HSPG2: variants seen among roughly 807,000 people sequenced by gnomAD.
HSPG2 encodes basement membrane-specific heparan sulfate proteoglycan core protein.
In HSPG2, 278 loss-of-function variants were observed where a neutral mutation model predicts 526.6. That is an observed-to-expected ratio of 0.53 (90% confidence interval 0.48 to 0.58). The LOEUF is 0.58. Among genes scored for constraint, HSPG2 ranks in the 20% least tolerant of loss-of-function variants. The probability of loss-of-function intolerance (pLI) is 0.00; values close to 1 mark genes in which losing one functional copy is unlikely to be tolerated. For missense variants in HSPG2, 5,354 were observed against 6,099.5 expected (o/e 0.88, Z 4.07); for synonymous variants, 2,465 against 2,555.4 (o/e 0.96, Z 1.07).
chr1:21,891,738 G>A (rs556801699), intron 3 of HSPG2, among the ~76,000 whole-genome samples: 132 of 152,234 alleles, frequency 8.7e-4, no homozygotes, highest in Non-Finnish European at 1.7e-3. Flanking sequence ...AGCCTCCTGA[G>A]TAGCTGGGAT....
chr1:21,881,468 C>G lies in HSPG2; in HGVS notation c.1689G>C (p.Thr563=), dbSNP rs144988621. 1 of 1,612,904 alleles carries G rather than the reference C, an allele frequency of 6.2e-7. No individual in the cohort carries two copies. Among genetic ancestry groups the G allele is most frequent in the African/African-American group, 1.3e-5 (1 of 75,008 alleles). ...GCAGCTGCGTGGAGGAGAGGGGTGGCGTGCCGGGCTGCGCAGGCATTGTCA... is the reference window on the plus strand; with the variant it reads ...GCAGCTGCGTGGAGGAGAGGGGTGGGGTGCCGGGCTGCGCAGGCATTGTCA... ...VNVTMPAQPG[T]PPLSSTQLQI... The change falls in exon 14 of 97, where the codon ACG becomes ACC. Residue 563 remains threonine (T), a synonymous_variant. Transcript: ENST00000374695.
At chr1:21,873,513 G>T in intron 29 of HSPG2, 89 bp from the exon 30 acceptor site, 1 of 1,232,024 alleles carries the variant, frequency 8.1e-7, no homozygotes, top group Non-Finnish European at 1.2e-6. Context: ...GAATTCAATG[G>T]CCTCATGCAC....
intron 37 of HSPG2, among the ~76,000 whole-genome samples, chr1:21,862,725 C>G (rs1469219885): frequency 2.0e-5 from 3 of 151,860 alleles, no homozygotes; most frequent in Non-Finnish European, 4.4e-5. Context: ...TCCCTAAGTA[C>G]CTGTGATAGC....
intron 1 of HSPG2, among the ~76,000 whole-genome samples, chr1:21,916,728 CTTTA>C (rs1301627076): frequency 4.6e-5 from 7 of 151,382 alleles, no homozygotes; most frequent in Non-Finnish European, 1.0e-4. Context: ...TTATTTAAAA[CTTTA>C]TTTAATTTTA....
At chr1:21,856,965 G>T in intron 44 of HSPG2, 50 bp downstream of exon 44, 1 of 1,561,538 alleles carries the variant, frequency 6.4e-7, no homozygotes, top group Non-Finnish European at 8.8e-7. Flanking sequence ...ATTCTGGTGG[G>T]AATGGGGGAG....
At position 21,848,957 on chromosome 1, in the gene HSPG2, G is replaced by A; in HGVS notation, c.7521C>T (p.Gly2507=). Residue 2507 remains glycine (G), a synonymous_variant, in exon 58 of 97, where the codon GGC becomes GGT. Transcript: ENST00000374695. The surrounding 1 kb of genome is among the most constrained non-coding windows in gnomAD (Gnocchi z 4.9). ...DSGEYVCRVV[G]SSGTQEASVL... ...CTGAGGCTTCCTGGGTACCTGAGCT[G>A]CCGACCACACGGCACACGTACTCCC... is the stretch of plus-strand genomic sequence containing the variant. The A allele has an allele frequency of 1.2e-6, 2 of 1,613,928 alleles. No individual in the cohort carries two copies. Among genetic ancestry groups the A allele is most frequent in the Non-Finnish European group, 1.7e-6 (2 of 1,180,004 alleles).
In HSPG2 at chr1:21,830,335, A is replaced by G. The variant is rs72866967; in HGVS notation, c.11672-244T>C. ...TGTCTGCAGGTTCTTCAGAGACTGGACAGTGTTGGAGGGGGAGCACCTGGT... is the reference window on the plus strand; with the variant it reads ...TGTCTGCAGGTTCTTCAGAGACTGGGCAGTGTTGGAGGGGGAGCACCTGGT... On this transcript the variant is annotated intron_variant, in intron 85 of 96. Coordinates refer to ENST00000374695, the MANE Select transcript of HSPG2 (RefSeq NM_005529.7). The G allele has an allele frequency of 4.2e-3, 2,327 of 558,190 alleles. 48 individuals are homozygous for G. Among genetic ancestry groups the G allele is most frequent in the African/African-American group, 0.038 (1,988 of 52,894 alleles). 34.6% of individuals were successfully genotyped at this position (558,190 alleles called of 1,614,324 possible). A position where few individuals can be genotyped will look rare whatever the true frequency, so the allele number is the denominator to read the frequency against.
intron 21 of HSPG2, among the ~76,000 whole-genome samples, chr1:21,877,059 CAAAAAAAA>C (rs3077630): frequency 1.9e-5 from 2 of 103,152 alleles, no homozygotes; most frequent in African/African-American, 3.9e-5. Context: ...GACTCCATCT[CAAAAAAAA>C]AAAAAAAAAG....
intron 1 of HSPG2, among the ~76,000 whole-genome samples, chr1:21,896,805 C>A (rs1051969050): frequency 1.3e-5 from 2 of 152,198 alleles, no homozygotes; most frequent in Non-Finnish European, 1.5e-5. Context: ...CCTCCCCAGG[C>A]CATTTGGCTC....
intron 1 of HSPG2, among the ~76,000 whole-genome samples, chr1:21,916,691 CAAA>C (rs11401856): frequency 1.5e-5 from 2 of 135,128 alleles, no homozygotes; most frequent in Non-Finnish European, 1.6e-5. Context: ...GACTCCATCT[CAAA>C]AAAAAAAAAA....
At position 21,824,082 on chromosome 1, in the gene HSPG2, C is replaced by G. The variant is rs370529233; in HGVS notation, c.12899+39G>C. The G allele has an allele frequency of 1.3e-6, 2 of 1,573,590 alleles. No homozygotes were observed. The highest frequency in any genetic ancestry group is 1.7e-5 in the Admixed American group (1 of 57,682). ...GGGGGCGTCCTGCCCCACTCCAGAACGCTGGGCCCCATCCCGAGTGCCCGG... is the reference window on the plus strand; with the variant it reads ...GGGGGCGTCCTGCCCCACTCCAGAAGGCTGGGCCCCATCCCGAGTGCCCGG... On this transcript the variant is annotated intron_variant, in intron 95 of 96. Transcript: ENST00000374695. The surrounding 1 kb of genome is among the most constrained non-coding windows in gnomAD (Gnocchi z 5.9).
At position 21,887,120 on chromosome 1, in the gene HSPG2, G is replaced by A. The variant is rs1302077855; in HGVS notation, c.1078+95C>T. 2.1e-6 allele frequency: 3 copies of A among 1,428,120 alleles called. No individual in the cohort carries two copies. Among genetic ancestry groups the A allele is most frequent in the Non-Finnish European group, 2.9e-6 (3 of 1,031,832 alleles). The allele number at this position is 1,428,120 out of a possible 1,614,324, so 88.5% of individuals were successfully genotyped here. On this transcript the variant is annotated intron_variant, in intron 9 of 96. Coordinates refer to ENST00000374695, the MANE Select transcript of HSPG2 (RefSeq NM_005529.7). The surrounding 1 kb of genome is among the most constrained non-coding windows in gnomAD (Gnocchi z 5.0). ...GGACTGGGGAGGGGGGAAAGCGGAG[G>A]GGCAGGGTAGGGGCGGGGCAGGAGT...
rs760478388 is a variant in HSPG2 at position 21,847,642 on chromosome 1, C to A, written c.8025+47G>T. On this transcript the variant is annotated intron_variant, in intron 61 of 96. Transcript: ENST00000374695. The surrounding 1 kb of genome is among the most constrained non-coding windows in gnomAD (Gnocchi z 4.1). Reference sequence around the variant, plus strand: ...AGACAGGGAGCCTGCTCTGCTCACCCCAGGAGACCATGGTTCCACCCCCGC... The same window carrying A: ...AGACAGGGAGCCTGCTCTGCTCACCACAGGAGACCATGGTTCCACCCCCGC... 2 of 1,601,628 alleles carry A rather than the reference C, an allele frequency of 1.2e-6. No individual in the cohort carries two copies. Among genetic ancestry groups the A allele is most frequent in the Admixed American group, 3.5e-5 (2 of 57,544 alleles).
intron 13 of HSPG2, among the ~76,000 whole-genome samples, chr1:21,882,402 C>T (rs1343333441): frequency 1.1e-4 from 2 of 17,642 alleles, no homozygotes; most frequent in East Asian, 9.0e-4. Flanking sequence ...CTTCTATGTA[C>T]ACACACACAC....
chr1:21,830,782 G>A (rs569050471), intron 85 of HSPG2, 200 bp downstream of exon 85: 38 of 598,484 alleles, frequency 6.3e-5, no homozygotes, highest in African/African-American at 3.5e-4. Flanking sequence ...AGGGCTGGAG[G>A]AGGGGAAGCA....
In HSPG2 at chr1:21,893,312, A is replaced by G. The variant is rs1406405962; in HGVS notation, c.244+2610T>C. Among the ~76,000 whole-genome samples the G allele has an allele frequency of 6.6e-6, 1 of 152,064 alleles. No individual in the cohort carries two copies. The highest frequency in any genetic ancestry group is 1.5e-5 in the Non-Finnish European group (1 of 68,004). ...ACCCATCTCTGCCCGTCAACACCCCATGGGGAAGAACGCCCGCCAGGGTTC... is the reference window on the plus strand; with the variant it reads ...ACCCATCTCTGCCCGTCAACACCCCGTGGGGAAGAACGCCCGCCAGGGTTC... On this transcript the variant is annotated intron_variant, in intron 3 of 96. Transcript: ENST00000374695. The surrounding 1 kb of genome is among the most constrained non-coding windows in gnomAD (Gnocchi z 4.3).
chr1:21,880,605 C>T (rs1042631400), intron 15 of HSPG2, 46 bp from the exon 16 acceptor site: 9 of 1,603,634 alleles, frequency 5.6e-6, no homozygotes, highest in African/African-American at 4.0e-5. Flanking sequence ...AGTGCCTACC[C>T]AGCCTAAATC....
chr1:21,841,026 T>C, intron 71 of HSPG2, 75 bp downstream of exon 71: 2 of 1,394,226 alleles, frequency 1.4e-6, no homozygotes, highest in Admixed American at 3.9e-5. Flanking sequence ...CATCCACTAC[T>C]ATCTCCTCCA....
In HSPG2 at chr1:21,824,900, C is replaced by A. The variant is rs549432603; in HGVS notation, c.12590-121G>T. On this transcript the variant is annotated intron_variant, in intron 91 of 96. Transcript: ENST00000374695. This position sits in a 1 kb window ranked among gnomAD's most constrained non-coding sequence, Gnocchi z 5.9. ...GACTAGGGGGCTCCGAGCCTGCAGT[C>A]CCTGGGGACCCACGGGGGCTGCCAA... The A allele has an allele frequency of 6.7e-5, 60 of 892,928 alleles. No homozygotes were observed. The African/African-American group carries it at 9.3e-4, about 14-fold the overall frequency. 55.3% of individuals were successfully genotyped at this position (892,928 alleles called of 1,614,324 possible).
Sources: allele counts gnomAD v4.1 joint callset (sites outside exome capture counted in the v4.1 genomes callset), GRCh38; gene constraint gnomAD v4.1.1; non-coding constraint Gnocchi (gnomAD v3.1); transcripts MANE v1.5; gene names NCBI Gene and HGNC (gene_info 2026-07-23, HGNC 2026-07-21).